Variants in HDAC9 observed in about 807,000 individuals in gnomAD.
HDAC9 encodes MEF-2 interacting transcription repressor (MITR) protein.
Under a neutral mutation model 139.4 loss-of-function variants are expected in HDAC9, and 41 were observed. That is an observed-to-expected ratio of 0.29 (90% CI 0.23 to 0.38). The LOEUF (loss-of-function observed/expected upper bound fraction) is 0.38, where lower values mean the gene tolerates loss of function less well. HDAC9 is among the 10% of genes least tolerant of loss of function. The pLI, the probability that HDAC9 is intolerant of heterozygous loss-of-function variation, is 1.00. For missense variants in HDAC9, 1,147 were observed against 1,297.0 expected (o/e 0.88, Z 1.78); for synonymous variants, 517 against 476.2 (o/e 1.09, Z -1.12).
intron 1 of HDAC9, among the ~76,000 whole-genome samples, chr7:18,293,512 C>T (rs753071935): frequency 6.6e-6 from 1 of 152,092 alleles, no homozygotes; most frequent in Non-Finnish European, 1.5e-5. Context: ...TTCTTAGATT[C>T]TTAAACCTTT....
chr7:18,924,659 C>T (rs974846174), intron 22 of HDAC9, among the ~76,000 whole-genome samples: 7 of 152,074 alleles, frequency 4.6e-5, no homozygotes, highest in Non-Finnish European at 1.0e-4. Flanking sequence ...ACTTATCTAG[C>T]ACTTTAAAGA....
intron 1 of HDAC9, among the ~76,000 whole-genome samples, chr7:18,391,642 A>G (rs1045545752): frequency 2.0e-5 from 3 of 152,322 alleles, no homozygotes; most frequent in East Asian, 3.9e-4. Flanking sequence ...ATAATGAACT[A>G]TGTTGAGGAT....
At chr7:18,127,526 A>G (rs1452754005) in intron 1 of HDAC9, among the ~76,000 whole-genome samples, 1 of 152,062 alleles carries the variant, frequency 6.6e-6, no homozygotes, top group African/African-American at 2.4e-5. Context: ...TGCTCAGGTA[A>G]ACTTAAACAT....
chr7:18,173,993 T>C (rs1394969630), intron 2 of HDAC9, among the ~76,000 whole-genome samples: 1 of 152,172 alleles, frequency 6.6e-6, no homozygotes, highest in South Asian at 2.1e-4. Context: ...AATGTTGGCC[T>C]GTCTTGTTAG....
At chr7:18,317,107 A>C (rs558006208) in intron 1 of HDAC9, among the ~76,000 whole-genome samples, 1 of 133,292 alleles carries the variant, frequency 7.5e-6, no homozygotes, top group African/African-American at 3.1e-5. Context: ...ATAAATAAAT[A>C]AATAAATAAA....
intron 22 of HDAC9, among the ~76,000 whole-genome samples, chr7:18,914,429 C>A (rs1803011796): frequency 6.6e-6 from 1 of 151,816 alleles, no homozygotes; most frequent in South Asian, 2.1e-4. Context: ...TCCAGTATTT[C>A]AACTCTATCT....
rs1173034049 is a variant in HDAC9 at position 18,786,611 on chromosome 7, TTCCTTCCCTCCCTCCC to T, written c.2215-6726_2215-6711del. On this transcript the variant is annotated intron_variant, in intron 16 of 25. Coordinates refer to ENST00000686413, the MANE Select transcript of HDAC9 (RefSeq NM_178425.4). ...CTTCCTTCCTTCCTTCCTTCCTTCC[TTCCTTCCCTCCCTCCC>T]TCCTTCCTTCCTTTCTTCCCTCCTT... Among the ~76,000 whole-genome samples, 7 of 35,302 alleles carry T rather than the reference TTCCTTCCCTCCCTCCC, an allele frequency of 2.0e-4. 1 individual carries two copies. Among genetic ancestry groups the T allele is most frequent in the South Asian group, 1.3e-3 (1 of 774 alleles). The allele number at this position is 35,302 out of a possible 152,430, so 23.2% of individuals were successfully genotyped here. A position where few individuals can be genotyped will look rare whatever the true frequency, so the allele number is the denominator to read the frequency against.
At chr7:18,487,325 G>A (rs1481421243) in intron 1 of HDAC9, among the ~76,000 whole-genome samples, 11 of 151,976 alleles carry the variant, frequency 7.2e-5, no homozygotes, top group Admixed American at 6.6e-4. Context: ...ATGAAAAAGA[G>A]TGAATACAAG....
chr7:18,290,463 A>G (rs1337704567), exon 1 of HDAC9: 1 of 456,580 alleles, frequency 2.2e-6, no homozygotes, highest in Admixed American at 2.3e-5. Context: ...GGACTGAGCT[A>G]GTTTGCGAAA....
chr7:18,384,779 A>G (rs1785762664), intron 1 of HDAC9, among the ~76,000 whole-genome samples: 1 of 152,116 alleles, frequency 6.6e-6, no homozygotes, highest in East Asian at 1.9e-4. Context: ...GAAAAAAAAA[A>G]AAAGGTTAAG....
chr7:18,732,703 A>G lies in HDAC9; in HGVS notation c.1909+4946A>G, dbSNP rs554052521. Among the ~76,000 whole-genome samples the G allele has an allele frequency of 1.1e-3, 137 of 124,810 alleles. 12 individuals carry two copies. Among genetic ancestry groups the G allele is most frequent in the Non-Finnish European group, 1.5e-3 (88 of 60,280 alleles). 81.9% of individuals were successfully genotyped at this position (124,810 alleles called of 152,430 possible). A position where few individuals can be genotyped will look rare whatever the true frequency, so the allele number is the denominator to read the frequency against. ...CGTATGTGTACACACACACACGTGT[A>G]TGTGTGCGTATGTGTACACACACAC... On this transcript the variant is annotated intron_variant, in intron 13 of 25. Coordinates refer to ENST00000686413, the MANE Select transcript of HDAC9 (RefSeq NM_178425.4).
chr7:18,912,769 G>A (rs942955094), intron 22 of HDAC9, among the ~76,000 whole-genome samples: 3 of 151,978 alleles, frequency 2.0e-5, no homozygotes, highest in Admixed American at 6.6e-5. Context: ...TGCATAAATC[G>A]CAAGGATTCT....
intron 2 of HDAC9, chr7:18,496,872 G>A (rs1797079145): frequency 6.6e-6 from 1 of 152,158 alleles, no homozygotes; most frequent in Non-Finnish European, 1.5e-5. Context: ...AAACTGTTTA[G>A]GATGAAATAA....
Position 18,823,659 on chromosome 7 carries a change from C to T in HDAC9, c.2323-5502C>T, listed in dbSNP as rs565078047. On this transcript the variant is annotated intron_variant, in intron 17 of 25. Coordinates refer to ENST00000686413, the MANE Select transcript of HDAC9 (RefSeq NM_178425.4). The stretch of plus-strand genomic sequence containing the variant: ...AGGATCACATGCGGTCTTAAGGTCC[C>T]CAGTGAGATAGGCTGGTACTGTTGT... 3.3e-5 allele frequency among the ~76,000 whole-genome samples: 5 copies of T among 152,094 alleles called. No homozygotes were observed. The East Asian group carries it at 9.7e-4, about 29-fold the overall frequency.
chr7:18,613,510 T>C (rs550021102), intron 6 of HDAC9, among the ~76,000 whole-genome samples: 96 of 152,098 alleles, frequency 6.3e-4, no homozygotes, highest in Non-Finnish European at 1.2e-3. Flanking sequence ...GATTTTATAA[T>C]GCTTACACTC....
intron 2 of HDAC9, among the ~76,000 whole-genome samples, chr7:18,220,317 T>C (rs1025406544): frequency 5.9e-5 from 9 of 152,162 alleles, no homozygotes; most frequent in Admixed American, 5.9e-4. Flanking sequence ...AGATTAAAAA[T>C]AGAATAATAT....
intron 6 of HDAC9, among the ~76,000 whole-genome samples, chr7:18,628,436 A>G (rs960350886): frequency 2.2e-4 from 33 of 152,204 alleles, no homozygotes; most frequent in African/African-American, 8.0e-4. Context: ...AAAAAAGACT[A>G]TATAAATGTT....
chr7:18,951,631 G>A (rs1467793735), intron 23 of HDAC9, among the ~76,000 whole-genome samples: 2 of 151,666 alleles, frequency 1.3e-5, no homozygotes, highest in African/African-American at 4.8e-5. Flanking sequence ...ATAATTTCCA[G>A]TAATGCTGAT....
intron 1 of HDAC9, among the ~76,000 whole-genome samples, chr7:18,406,436 G>A (rs6954787): frequency 0.74 from 111,792 of 151,556 alleles, 41,291 homozygotes; most frequent in South Asian, 0.82. Flanking sequence ...TCTGTCGCCC[G>A]GGCTGGAGTG....
Sources: gnomAD v4.1 joint callset for allele counts (sites outside exome capture counted in the v4.1 genomes callset) on GRCh38, gnomAD v4.1.1 for gene constraint, MANE v1.5 for transcripts, NCBI Gene and HGNC (gene_info 2026-07-23, HGNC 2026-07-21) for gene names.